Variants in GPC5 observed in about 807,000 individuals in gnomAD.
The protein encoded by GPC5 is glypican 5.
GPC5 carries 47 observed loss-of-function variants against 53.9 expected under a neutral mutation model. That is an observed-to-expected ratio of 0.87 (90% CI 0.69 to 1.11). GPC5 has a LOEUF of 1.11. Among genes scored for constraint, GPC5 ranks in the 50% most tolerant of loss-of-function variants. The pLI is 0.00. For synonymous variants in GPC5, 286 were observed against 263.3 expected (o/e 1.09, Z -0.84); for missense variants, 748 against 713.1 (o/e 1.05, Z -0.56).
chr13:92,486,716 A>T (rs1390594053), intron 7 of GPC5, among the ~76,000 whole-genome samples: 1 of 152,222 alleles, frequency 6.6e-6, no homozygotes, highest in Non-Finnish European at 1.5e-5. Flanking sequence ...CTACTGTCCA[A>T]AAAAATAGAC....
At chr13:92,200,718 A>G (rs6492591) in intron 7 of GPC5, among the ~76,000 whole-genome samples, 91,306 of 152,122 alleles carry the variant, frequency 0.6, 28,080 homozygotes, top group Middle Eastern at 0.74. Flanking sequence ...ATTCGATTGG[A>G]TCATGTGCCC....
At chr13:92,418,018 T>C (rs1005555104) in intron 7 of GPC5, among the ~76,000 whole-genome samples, 2 of 152,196 alleles carry the variant, frequency 1.3e-5, no homozygotes, top group African/African-American at 4.8e-5. Flanking sequence ...CATGGATGAA[T>C]CTTGAAAACA....
At chr13:91,905,834 A>T (rs1419155945) in intron 5 of GPC5, among the ~76,000 whole-genome samples, 1 of 152,122 alleles carries the variant, frequency 6.6e-6, no homozygotes, top group Non-Finnish European at 1.5e-5. Flanking sequence ...GTATTATGAT[A>T]TTTAATGTAA....
At chr13:92,500,062 G>A (rs1880123938) in intron 7 of GPC5, among the ~76,000 whole-genome samples, 1 of 152,096 alleles carries the variant, frequency 6.6e-6, no homozygotes, top group Non-Finnish European at 1.5e-5. Flanking sequence ...TTTTTTAAAA[G>A]TTTCTCCAGC....
At chr13:91,590,104 CTATT>C (rs1027025694) in intron 2 of GPC5, among the ~76,000 whole-genome samples, 1 of 151,094 alleles carries the variant, frequency 6.6e-6, no homozygotes, top group African/African-American at 2.4e-5. Context: ...TCTCAAACTG[CTATT>C]TATTTGCGTT....
Position 92,476,647 on chromosome 13 carries a change from A to G in GPC5, c.1561+331658A>G, listed in dbSNP as rs1474380229. ...TAGCAAAGACTTGGAACCAACCCAAATGTCCAACAATGATAGACTGGATTA... is the reference window on the plus strand; with the variant it reads ...TAGCAAAGACTTGGAACCAACCCAAGTGTCCAACAATGATAGACTGGATTA... On this transcript the variant is annotated intron_variant, in intron 7 of 7. Transcript: ENST00000377067. Among the ~76,000 whole-genome samples the G allele has an allele frequency of 4.0e-5, 6 of 148,974 alleles. 1 individual carries two copies. Among genetic ancestry groups the G allele is most frequent in the South Asian group, 4.2e-4 (2 of 4,758 alleles).
chr13:91,767,324 C>T (rs1450195381), intron 5 of GPC5, among the ~76,000 whole-genome samples: 2 of 152,182 alleles, frequency 1.3e-5, no homozygotes, highest in Non-Finnish European at 2.9e-5. Flanking sequence ...TGAACCCATG[C>T]ACTATATCAG....
At chr13:92,017,089 G>A (rs1023345942) in intron 6 of GPC5, among the ~76,000 whole-genome samples, 1 of 152,072 alleles carries the variant, frequency 6.6e-6, no homozygotes, top group Non-Finnish European at 1.5e-5. Context: ...TTTACACTGT[G>A]GTGGCGTGGT....
At chr13:91,525,927 C>T (rs1886064849) in intron 2 of GPC5, among the ~76,000 whole-genome samples, 1 of 152,102 alleles carries the variant, frequency 6.6e-6, no homozygotes, top group Admixed American at 6.5e-5. Flanking sequence ...GAACACTGAA[C>T]ATTTGTCCTC....
At chr13:91,656,397 G>C (rs912967158) in intron 2 of GPC5, among the ~76,000 whole-genome samples, 3 of 152,264 alleles carry the variant, frequency 2.0e-5, no homozygotes, top group Admixed American at 2.0e-4. Context: ...TGATTGCAGA[G>C]GTATAGATCT....
Position 91,991,566 on chromosome 13 carries a change from T to C in GPC5, c.1401+83509T>C, listed in dbSNP as rs182804908. Among the ~76,000 whole-genome samples the C allele has an allele frequency of 3.6e-4, 54 of 152,026 alleles. 1 individual carries two copies. In the East Asian group the frequency reaches 6.0e-3, roughly 17 times the overall value. ...AAGGGATAAAGGAAGAATTTTTTTT[T>C]TCTCTCTCTCTCTATACACACACTC... is the stretch of plus-strand genomic sequence containing the variant. On this transcript the variant is annotated intron_variant, in intron 6 of 7. Transcript: ENST00000377067.
At chr13:92,152,048 G>T (rs1336823272) in intron 7 of GPC5, among the ~76,000 whole-genome samples, 1 of 152,032 alleles carries the variant, frequency 6.6e-6, no homozygotes, top group Non-Finnish European at 1.5e-5. Flanking sequence ...AGAACAAGGG[G>T]TGTGTTTACA....
chr13:91,724,065 A>G (rs562250841), intron 3 of GPC5, among the ~76,000 whole-genome samples: 1 of 152,256 alleles, frequency 6.6e-6, no homozygotes, highest in Non-Finnish European at 1.5e-5. Context: ...AGTTCTCAGA[A>G]TCATAAGGGA....
chr13:92,394,013 T>G (rs966835976), intron 7 of GPC5, among the ~76,000 whole-genome samples: 1 of 152,168 alleles, frequency 6.6e-6, no homozygotes, highest in African/African-American at 2.4e-5. Flanking sequence ...TGTTATCTTC[T>G]CAGAGGTCTG....
At chr13:91,816,666 A>C (rs1180783123) in intron 5 of GPC5, among the ~76,000 whole-genome samples, 1 of 152,174 alleles carries the variant, frequency 6.6e-6, no homozygotes, top group Admixed American at 6.5e-5. Context: ...AGTATGTAAT[A>C]ATGTGTATTT....
In GPC5 at chr13:92,416,871, A is replaced by T. The variant is rs531473511; in HGVS notation, c.1561+271882A>T. Among the ~76,000 whole-genome samples the T allele has an allele frequency of 2.0e-4, 30 of 152,302 alleles. No homozygotes were observed. In the South Asian group the frequency reaches 5.0e-3, roughly 25 times the overall value. The stretch of plus-strand genomic sequence containing the variant: ...ATACAAAGAAATTATACAAATCAAT[A>T]ATAGAAAATAACCCATTTAAAATAC... On this transcript the variant is annotated intron_variant, in intron 7 of 7. Transcript: ENST00000377067.
At chr13:92,057,297 AC>A (rs1416336618) in intron 6 of GPC5, among the ~76,000 whole-genome samples, 1 of 101,564 alleles carries the variant, frequency 9.8e-6, no homozygotes, top group African/African-American at 3.6e-5. Flanking sequence ...AAACAAAAAA[AC>A]AAAAAACAAA....
intron 2 of GPC5, among the ~76,000 whole-genome samples, chr13:91,669,905 G>A (rs2035204539): frequency 6.6e-6 from 1 of 152,158 alleles, no homozygotes; most frequent in Non-Finnish European, 1.5e-5. Context: ...TTAATACATT[G>A]CTTGAATATC....
intron 2 of GPC5, among the ~76,000 whole-genome samples, chr13:91,508,145 C>A (rs1850579123): frequency 6.6e-6 from 1 of 151,976 alleles, no homozygotes; most frequent in Admixed American, 6.6e-5. Flanking sequence ...TCAAAATGGA[C>A]AACATTTGGC....
Sources: gnomAD v4.1 joint callset for allele counts (sites outside exome capture counted in the v4.1 genomes callset) on GRCh38, gnomAD v4.1.1 for gene constraint, MANE v1.5 for transcripts, NCBI Gene and HGNC (gene_info 2026-07-23, HGNC 2026-07-21) for gene names.